UNC13B: variants seen among roughly 807,000 people sequenced by gnomAD.
UNC13B encodes protein unc-13 homolog B.
In UNC13B, 144 loss-of-function variants were observed where a neutral mutation model predicts 211.0. The observed-to-expected ratio is 0.68, with a 90% confidence interval of 0.60 to 0.78. The LOEUF (loss-of-function observed/expected upper bound fraction) is 0.78. Ranked by LOEUF, UNC13B falls within the 30% of genes least tolerant of loss-of-function variation. UNC13B has a pLI of 0.00. For missense variants in UNC13B, 1,777 were observed against 2,002.0 expected (o/e 0.89, Z 2.14); for synonymous variants, 709 against 725.8 (o/e 0.98, Z 0.37).
Position 35,228,040 on chromosome 9 carries a change from A to G in UNC13B, c.48A>G (p.Ser16=). 4 of 1,612,488 alleles carry G rather than the reference A, an allele frequency of 2.5e-6. No individual in the cohort carries two copies. The highest frequency in any genetic ancestry group is 3.4e-6 in the Non-Finnish European group (4 of 1,179,330). Residue 16 remains serine (S), a synonymous_variant, in exon 2 of 40, where the codon TCA becomes TCG. Coordinates refer to ENST00000635942, the MANE Select transcript of UNC13B (RefSeq NM_001371189.2). ...TTAAAAGGGCCAAATTCCAGGGTTC[A>G]CCAGGTAAGGCCAGCTTTCTATTAT... ...VRVKRAKFQG[S]PDKFNTYVTL... is the part of the protein sequence containing the mutation.
chr9:35,256,814 G>A (rs1826906890), intron 6 of UNC13B, among the ~76,000 whole-genome samples: 1 of 151,980 alleles, frequency 6.6e-6, no homozygotes. Context: ...TAGGATTTTT[G>A]TCTCTATATT....
intron 1 of UNC13B, among the ~76,000 whole-genome samples, chr9:35,167,073 T>A (rs113127097): frequency 9.7e-4 from 148 of 152,244 alleles, no homozygotes; most frequent in African/African-American, 2.7e-3. Context: ...TAGTGTATTT[T>A]TTTTATTTTA....
At chr9:35,194,959 G>A (rs1822855405) in intron 1 of UNC13B, among the ~76,000 whole-genome samples, 3 of 152,186 alleles carry the variant, frequency 2.0e-5, no homozygotes, top group Non-Finnish European at 4.4e-5. Flanking sequence ...GACTGGCGGC[G>A]GATGTGCCGG....
intron 24 of UNC13B, 121 bp downstream of exon 24, chr9:35,386,414 G>A (rs1304144145): frequency 7.4e-6 from 10 of 1,354,176 alleles, no homozygotes; most frequent in Non-Finnish European, 8.0e-6. Context: ...AAGGGTGAGT[G>A]AGTTGTGGAG....
chr9:35,367,273 T>C (rs1415326952), intron 12 of UNC13B, among the ~76,000 whole-genome samples: 1 of 152,200 alleles, frequency 6.6e-6, no homozygotes, highest in Non-Finnish European at 1.5e-5. Flanking sequence ...GGTCCATCTT[T>C]TCATAGTGGT....
At chr9:35,251,460 A>G (rs1184411400) in intron 6 of UNC13B, among the ~76,000 whole-genome samples, 1 of 151,972 alleles carries the variant, frequency 6.6e-6, no homozygotes, top group Admixed American at 6.5e-5. Context: ...GGTGGTGGGA[A>G]CCTGTATTCC....
chr9:35,313,745 C>A (rs1830309993), intron 10 of UNC13B, among the ~76,000 whole-genome samples, 154 bp from the exon 11 acceptor site: 1 of 152,144 alleles, frequency 6.6e-6, no homozygotes, highest in African/African-American at 2.4e-5. Flanking sequence ...ATTGGATATT[C>A]AAGTACTATG....
intron 1 of UNC13B, among the ~76,000 whole-genome samples, chr9:35,179,120 TATACA>T (rs1821795307): frequency 6.6e-6 from 1 of 152,152 alleles, no homozygotes; most frequent in South Asian, 2.1e-4. Flanking sequence ...TACTCTTAAC[TATACA>T]ATACAATACC....
chr9:35,366,867 A>G, intron 11 of UNC13B, 80 bp from the exon 12 acceptor site: 1 of 1,224,982 alleles, frequency 8.2e-7, no homozygotes, highest in Non-Finnish European at 1.2e-6. Context: ...CTGGGCTTGT[A>G]CTCTACTGCT....
In UNC13B at chr9:35,376,280, G is replaced by C. The variant is rs373505129; in HGVS notation, c.9835+33G>C. 12 of 1,600,394 alleles carry C rather than the reference G, an allele frequency of 7.5e-6. No individual in the cohort carries two copies. In the African/African-American group the frequency reaches 1.5e-4, roughly 20 times the overall value. On this transcript the variant is annotated intron_variant, in intron 15 of 39. Coordinates refer to ENST00000635942, the MANE Select transcript of UNC13B (RefSeq NM_001371189.2). ...CCCTGCGGGATGAGGGGCGGGGAGT[G>C]GGGCAGCAGGGGCTTTCCAAAATAG...
At chr9:35,190,550 C>G (rs899741960) in intron 1 of UNC13B, among the ~76,000 whole-genome samples, 7 of 150,380 alleles carry the variant, frequency 4.7e-5, no homozygotes, top group African/African-American at 1.7e-4. Flanking sequence ...TTTTTTTCTT[C>G]CCCCCCTCCC....
chr9:35,279,971 G>A (rs1254621197), intron 7 of UNC13B, among the ~76,000 whole-genome samples: 1 of 152,008 alleles, frequency 6.6e-6, no homozygotes, highest in Non-Finnish European at 1.5e-5. Flanking sequence ...TACCATCTGG[G>A]CCGTCTGATT....
chr9:35,353,009 G>A (rs1256355112), intron 11 of UNC13B: 26 of 1,232,066 alleles, frequency 2.1e-5, no homozygotes, highest in South Asian at 4.1e-5. Context: ...CCTGGGCTGC[G>A]AAGCTGGGCT....
intron 11 of UNC13B, among the ~76,000 whole-genome samples, chr9:35,336,436 T>G (rs1831662523): frequency 6.6e-6 from 1 of 152,242 alleles, no homozygotes; most frequent in Admixed American, 6.5e-5. Context: ...ATTGTATCTT[T>G]TCATTACGCC....
intron 11 of UNC13B, among the ~76,000 whole-genome samples, chr9:35,328,737 C>T (rs1204266279): frequency 1.3e-5 from 2 of 148,350 alleles, no homozygotes; most frequent in Non-Finnish European, 1.5e-5. Context: ...TCCTTCCTTT[C>T]CTTCTTTTCT....
intron 1 of UNC13B, among the ~76,000 whole-genome samples, chr9:35,196,674 C>T (rs1332596182): frequency 1.3e-5 from 2 of 152,156 alleles, no homozygotes; most frequent in African/African-American, 2.4e-5. Flanking sequence ...TCTGTTTTTA[C>T]ATATTGTAGT....
At chr9:35,308,949 A>G (rs908268881) in intron 9 of UNC13B, among the ~76,000 whole-genome samples, 1 of 152,198 alleles carries the variant, frequency 6.6e-6, no homozygotes, top group African/African-American at 2.4e-5. Context: ...CTGTATTCCC[A>G]TATCCTATTC....
chr9:35,384,900 T>G, intron 22 of UNC13B: 3 of 688,746 alleles, frequency 4.4e-6, no homozygotes, highest in Non-Finnish European at 5.4e-6. Flanking sequence ...TTACTTGCTT[T>G]AAAGTGTGTG....
chr9:35,251,817 C>T (rs1826509833), intron 6 of UNC13B, among the ~76,000 whole-genome samples: 1 of 152,070 alleles, frequency 6.6e-6, no homozygotes, highest in African/African-American at 2.4e-5. Flanking sequence ...AAGATGTGCC[C>T]ATTTGGCTGT....
Sources: allele counts gnomAD v4.1 joint callset (sites outside exome capture counted in the v4.1 genomes callset), GRCh38; gene constraint gnomAD v4.1.1; transcripts MANE v1.5; gene names NCBI Gene and HGNC (gene_info 2026-07-23, HGNC 2026-07-21).